QTMAN: variants seen among roughly 807,000 people sequenced by gnomAD.
QTMAN encodes tRNA-queuosine alpha-mannosyltransferase.
At chr2:144,270,892 A>T in the QTMAN span, among the ~76,000 whole-genome samples, 1 of 152,226 alleles carries the variant, frequency 6.6e-6, no homozygotes, top group Non-Finnish European at 1.5e-5. Flanking sequence ...GATGAAAGAT[A>T]TTTCTTAGCT....
the QTMAN span, among the ~76,000 whole-genome samples, chr2:144,306,815 T>A: frequency 8.6e-5 from 13 of 151,976 alleles, no homozygotes; most frequent in Non-Finnish European, 1.8e-4. Flanking sequence ...CAAAGACAGG[T>A]TTAAGATTCA....
chr2:144,144,020 T>G, the QTMAN span, among the ~76,000 whole-genome samples: 1 of 151,962 alleles, frequency 6.6e-6, no homozygotes, highest in African/African-American at 2.4e-5. Flanking sequence ...GAACCATTTT[T>G]TCCCCATTAA....
the QTMAN span, among the ~76,000 whole-genome samples, chr2:144,297,347 T>C: frequency 3.3e-5 from 5 of 152,074 alleles, no homozygotes; most frequent in African/African-American, 9.7e-5. Flanking sequence ...CGCAAAAACT[T>C]TCTTTTTGTC....
the QTMAN span, among the ~76,000 whole-genome samples, chr2:144,231,641 T>C: frequency 6.6e-6 from 1 of 152,134 alleles, no homozygotes; most frequent in South Asian, 2.1e-4. Flanking sequence ...TAAATATTTC[T>C]CCTATGCCTC....
the QTMAN span, among the ~76,000 whole-genome samples, chr2:143,990,091 G>A: frequency 6.6e-6 from 1 of 151,786 alleles, no homozygotes. Flanking sequence ...CCAGGGTTAC[G>A]CACCACTGTC....
chr2:144,266,601 G>C, the QTMAN span, among the ~76,000 whole-genome samples: 1 of 152,214 alleles, frequency 6.6e-6, no homozygotes, highest in East Asian at 1.9e-4. Context: ...TGTAAGTAAA[G>C]TGAATTAAAG....
chr2:144,180,139 C>T, the QTMAN span, among the ~76,000 whole-genome samples: 1 of 152,122 alleles, frequency 6.6e-6, no homozygotes, highest in Non-Finnish European at 1.5e-5. Context: ...CTTAAGGCCA[C>T]AGATAAATGA....
the QTMAN span, chr2:144,011,605 T>G: frequency 2.1e-6 from 2 of 975,424 alleles, no homozygotes; most frequent in Non-Finnish European, 2.4e-6. Context: ...AATGTACAGT[T>G]AAGAGAAGCC....
the QTMAN span, among the ~76,000 whole-genome samples, chr2:144,283,060 G>A: frequency 8.5e-5 from 13 of 152,090 alleles, no homozygotes; most frequent in Admixed American, 1.3e-4. Flanking sequence ...TGGCTGATCT[G>A]GCCGTTCATT....
chr2:144,053,361 C>T, the QTMAN span, among the ~76,000 whole-genome samples: 5 of 152,284 alleles, frequency 3.3e-5, no homozygotes, highest in African/African-American at 1.2e-4. Context: ...AGCTGGTTAT[C>T]TGCAAAGGGG....
the QTMAN span, among the ~76,000 whole-genome samples, chr2:144,098,020 A>G: frequency 6.6e-6 from 1 of 152,188 alleles, no homozygotes; most frequent in Admixed American, 6.5e-5. Context: ...CCTCTCTGAC[A>G]AGAAGCTGCA....
chr2:144,032,928 G>C, the QTMAN span, among the ~76,000 whole-genome samples: 1 of 152,202 alleles, frequency 6.6e-6, no homozygotes, highest in Admixed American at 6.5e-5. Flanking sequence ...GAAAAAAATA[G>C]GGACTAGATA....
At chr2:144,246,579 C>CAAAAA in the QTMAN span, among the ~76,000 whole-genome samples, 383 of 40,670 alleles carry the variant, frequency 9.4e-3, no homozygotes, top group Non-Finnish European at 0.013. Context: ...GACTCCGTCT[C>CAAAAA]AAAAAAAAAA....
the QTMAN span, among the ~76,000 whole-genome samples, chr2:144,289,213 A>G: frequency 0.045 from 6,774 of 152,048 alleles, 483 homozygotes; most frequent in African/African-American, 0.15. Context: ...ACAGGGTTTA[A>G]TAGAGACGGG....
At chr2:144,233,389 T>A in the QTMAN span, among the ~76,000 whole-genome samples, 1 of 152,208 alleles carries the variant, frequency 6.6e-6, no homozygotes, top group Non-Finnish European at 1.5e-5. Flanking sequence ...GGGAATGATA[T>A]TTCTATTTCA....
At chr2:144,125,111 C>T in the QTMAN span, among the ~76,000 whole-genome samples, 1 of 152,008 alleles carries the variant, frequency 6.6e-6, no homozygotes, top group East Asian at 1.9e-4. Context: ...TCATAGAATT[C>T]GTTTTTAATT....
chr2:144,071,888 A>C, the QTMAN span, among the ~76,000 whole-genome samples: 2 of 152,160 alleles, frequency 1.3e-5, no homozygotes, highest in African/African-American at 4.8e-5. Context: ...GTGCACAAAA[A>C]AGGGAGGGGT....
the QTMAN span, among the ~76,000 whole-genome samples, chr2:144,144,136 T>C: frequency 6.6e-6 from 1 of 151,930 alleles, no homozygotes; most frequent in Non-Finnish European, 1.5e-5. Flanking sequence ...ACTTTTATAG[T>C]CTCATTCCCT....
At chr2:143,983,674 C>T in the QTMAN span, among the ~76,000 whole-genome samples, 10 of 151,904 alleles carry the variant, frequency 6.6e-5, no homozygotes, top group East Asian at 1.7e-3. Flanking sequence ...GGGGTTTCAC[C>T]GTGTTAGCCA....
Sources: allele counts gnomAD v4.1 joint callset (sites outside exome capture counted in the v4.1 genomes callset), GRCh38; gene constraint gnomAD v4.1.1; transcripts MANE v1.5; gene names NCBI Gene and HGNC (gene_info 2026-07-23, HGNC 2026-07-21).